Variants in ADAMTSL1 observed in about 807,000 individuals in gnomAD.
ADAMTSL1 encodes the protein ADAMTS like 1, also known as ADAMTS-like protein 1.
Under a neutral mutation model 201.8 loss-of-function variants are expected in ADAMTSL1, and 126 were observed. The ratio of observed to expected loss-of-function variants is 0.62; its 90% CI spans 0.54 to 0.72. The LOEUF (loss-of-function observed/expected upper bound fraction) is 0.72, where lower values mean the gene tolerates loss of function less well. Among genes scored for constraint, ADAMTSL1 ranks in the 30% least tolerant of loss-of-function variants. ADAMTSL1 has a pLI of 0.00. For synonymous variants in ADAMTSL1, 1,121 were observed against 903.4 expected, an observed-to-expected ratio of 1.24 and a Z score of -4.32; for missense variants, 2,679 against 2,277.8, an observed-to-expected ratio of 1.18 and a Z score of -3.59.
At chr9:18,315,824 A>G (rs1834367841) in intron 2 of ADAMTSL1, among the ~76,000 whole-genome samples, 1 of 152,212 alleles carries the variant, frequency 6.6e-6, no homozygotes, top group Non-Finnish European at 1.5e-5. Context: ...GCCAGAGTGG[A>G]CACCAAGGCC....
intron 2 of ADAMTSL1, among the ~76,000 whole-genome samples, chr9:18,410,817 T>C (rs534717349): frequency 1.3e-5 from 2 of 151,622 alleles, no homozygotes; most frequent in South Asian, 2.1e-4. Context: ...ATGTATTTAA[T>C]CGACTGGTAG....
intron 2 of ADAMTSL1, among the ~76,000 whole-genome samples, chr9:18,264,964 T>A (rs1437913511): frequency 1.3e-5 from 2 of 152,188 alleles, no homozygotes; most frequent in African/African-American, 2.4e-5. Flanking sequence ...TAGTAAATTG[T>A]CTTACAAAGT....
intron 1 of ADAMTSL1, among the ~76,000 whole-genome samples, chr9:17,986,157 T>C (rs16936180): frequency 0.027 from 4,162 of 152,162 alleles, 184 homozygotes; most frequent in African/African-American, 0.089. Flanking sequence ...AGTTCATAAG[T>C]ACAGAATGGT....
At chr9:18,893,286 A>G (rs949439655) in intron 26 of ADAMTSL1, among the ~76,000 whole-genome samples, 10 of 152,158 alleles carry the variant, frequency 6.6e-5, no homozygotes, top group South Asian at 2.1e-4. Flanking sequence ...TAAAATTACA[A>G]TAGCAAACAG....
intron 23 of ADAMTSL1, among the ~76,000 whole-genome samples, chr9:18,857,081 G>C (rs1427237097): frequency 1.3e-5 from 2 of 151,916 alleles, no homozygotes; most frequent in African/African-American, 4.8e-5. Context: ...TCTACTTCTT[G>C]GTTTGAGACA....
intron 1 of ADAMTSL1, among the ~76,000 whole-genome samples, chr9:17,984,013 A>G (rs1215651489): frequency 6.6e-6 from 1 of 152,186 alleles, no homozygotes; most frequent in Non-Finnish European, 1.5e-5. Context: ...AGAGATTTAT[A>G]AAATAAGTTA....
intron 10 of ADAMTSL1, 115 bp from the exon 11 acceptor site, chr9:18,680,197 T>C (rs17230881): frequency 0.033 from 35,524 of 1,087,790 alleles, 695 homozygotes; most frequent in Admixed American, 0.083. Flanking sequence ...TTCTGGACCT[T>C]AGCCTCTCAG....
At chr9:18,237,237 C>T (rs1036715773) in intron 2 of ADAMTSL1, among the ~76,000 whole-genome samples, 2 of 152,204 alleles carry the variant, frequency 1.3e-5, no homozygotes, top group Admixed American at 1.3e-4. Flanking sequence ...CACCTGGCTG[C>T]TTAAGTCCCT....
chr9:18,170,512 G>A (rs1337571065), intron 2 of ADAMTSL1, among the ~76,000 whole-genome samples: 1 of 152,020 alleles, frequency 6.6e-6, no homozygotes, highest in Non-Finnish European at 1.5e-5. Flanking sequence ...GTACAAAATG[G>A]AGTATTAACG....
chr9:17,973,694 C>T lies in ADAMTSL1; in HGVS notation c.87+66772C>T, dbSNP rs550643066. On this transcript the variant is annotated intron_variant, in intron 1 of 29. Coordinates refer to the ADAMTSL1 transcript ENST00000680146. ...AAGTTTAAAGTAGTTTTTTCCAATT[C>T]TGTGAAGAAAGTCACTGGTAGCTTG... 4.1e-3 allele frequency among the ~76,000 whole-genome samples: 498 copies of T among 120,102 alleles called. 3 individuals are homozygous for T. Among genetic ancestry groups the T allele is most frequent in the African/African-American group, 0.014 (487 of 34,626 alleles). The allele number at this position is 120,102 out of a possible 152,430, so 78.8% of individuals were successfully genotyped here. A position where few individuals can be genotyped will look rare whatever the true frequency, so the allele number is the denominator to read the frequency against.
chr9:18,045,723 C>T (rs897372514), intron 1 of ADAMTSL1, among the ~76,000 whole-genome samples: 15 of 152,026 alleles, frequency 9.9e-5, no homozygotes, highest in African/African-American at 3.1e-4. Context: ...GGCTATCTGG[C>T]TTGAAAAAAA....
intron 1 of ADAMTSL1, among the ~76,000 whole-genome samples, chr9:17,965,048 C>G (rs1233246103): frequency 6.6e-6 from 1 of 152,008 alleles, no homozygotes; most frequent in Non-Finnish European, 1.5e-5. Context: ...CCACTGCACT[C>G]AGCTAGATTT....
chr9:18,531,731 T>C (rs764150581), intron 2 of ADAMTSL1, among the ~76,000 whole-genome samples: 23 of 152,320 alleles, frequency 1.5e-4, no homozygotes, highest in South Asian at 4.1e-4. Context: ...GTCATATTCA[T>C]TCTTCTTTGT....
chr9:18,196,880 G>A (rs1419813556), intron 2 of ADAMTSL1, among the ~76,000 whole-genome samples: 3 of 151,992 alleles, frequency 2.0e-5, no homozygotes, highest in African/African-American at 7.2e-5. Context: ...CATGCCCTCA[G>A]GCTTCAGCAC....
chr9:18,463,979 C>T (rs1423655629), intron 2 of ADAMTSL1, among the ~76,000 whole-genome samples: 1 of 152,178 alleles, frequency 6.6e-6, no homozygotes, highest in East Asian at 1.9e-4. Context: ...CATTAGACTC[C>T]TATTATGTGC....
Position 18,753,471 on chromosome 9 carries a change from A to C in ADAMTSL1, c.2180A>C (p.Asn727Thr). The C allele has an allele frequency of 1.2e-6, 2 of 1,613,212 alleles. No homozygotes were observed. The highest frequency in any genetic ancestry group is 8.5e-7 in the Non-Finnish European group (1 of 1,179,754). Residue 727 changes from asparagine (N) to threonine (T), a missense_variant, in exon 16 of 29, where the codon AAT becomes ACT. By Grantham distance (65) the Asn-to-Thr change is moderately conservative. Coordinates refer to ENST00000380548, the MANE Select transcript of ADAMTSL1 (RefSeq NM_001040272.6). ...PSTVQACNRF[N>T]CPPAWYPAQW... ...ACGGTGCAAGCTTGTAACCGCTTTA[A>C]TTGCCCCCCAGCCTGGTACCCTGCA...
At chr9:18,393,924 A>G (rs796209483) in intron 2 of ADAMTSL1, among the ~76,000 whole-genome samples, 19 of 152,336 alleles carry the variant, frequency 1.2e-4, no homozygotes, top group African/African-American at 4.6e-4. Context: ...ACCTCTGACT[A>G]CTAGTTGGTA....
chr9:18,442,829 A>C (rs929272389), intron 2 of ADAMTSL1, among the ~76,000 whole-genome samples: 1 of 152,214 alleles, frequency 6.6e-6, no homozygotes, highest in African/African-American at 2.4e-5. Flanking sequence ...CCTGCAAGTC[A>C]TTTGGTCGGT....
chr9:18,376,040 C>T (rs1357940352), intron 2 of ADAMTSL1, among the ~76,000 whole-genome samples: 1 of 152,194 alleles, frequency 6.6e-6, no homozygotes, highest in East Asian at 1.9e-4. Flanking sequence ...TCTTGTAAAA[C>T]AGAAAAGTTC....
Sources: gnomAD v4.1 joint callset for allele counts (sites outside exome capture counted in the v4.1 genomes callset) on GRCh38, gnomAD v4.1.1 for gene constraint, MANE v1.5 for transcripts, NCBI Gene and HGNC (gene_info 2026-07-23, HGNC 2026-07-21) for gene names.